ATP8A1: variants seen among roughly 807,000 people sequenced by gnomAD.
ATP8A1 encodes the protein ATPase phospholipid transporting 8A1, also known as phospholipid-transporting ATPase IA.
A neutral mutation model predicts 177.7 loss-of-function variants in ATP8A1; 90 were observed. That is an observed-to-expected ratio of 0.51 (90% CI 0.43 to 0.60). ATP8A1 has a LOEUF of 0.60. ATP8A1 is among the 20% of genes least tolerant of loss of function. The pLI, the probability that ATP8A1 is intolerant of heterozygous loss-of-function variation, is 0.00. For missense variants in ATP8A1, 1,072 were observed against 1,392.8 expected (o/e 0.77, Z 3.67); for synonymous variants, 493 against 485.9 (o/e 1.01, Z -0.19).
Position 42,485,685 on chromosome 4 carries a change from G to C in ATP8A1, c.2152-17C>G. 6.3e-7 allele frequency: 1 copy of C among 1,598,532 alleles called. No homozygotes were observed. The highest frequency in any genetic ancestry group is 8.5e-7 in the Non-Finnish European group (1 of 1,173,038). Reference sequence around the variant, plus strand: ...CCTTGTTCCCTGGAATATTAAACAAGCAAAAATGCCATCAACATTTACTCC... The same window carrying C: ...CCTTGTTCCCTGGAATATTAAACAACCAAAAATGCCATCAACATTTACTCC... On this transcript the variant is annotated splice_polypyrimidine_tract_variant and intron_variant, in intron 24 of 36. Coordinates refer to ENST00000381668, the MANE Select transcript of ATP8A1 (RefSeq NM_006095.2).
At chr4:42,555,877 AAG>A (rs1730179943) in intron 16 of ATP8A1, 89 bp downstream of exon 16, 1 of 824,354 alleles carries the variant, frequency 1.2e-6, no homozygotes, top group African/African-American at 1.8e-5. Flanking sequence ...AAAGTAAAAA[AAG>A]AGAAACATGT....
chr4:42,645,562 T>C (rs1415017179), intron 1 of ATP8A1, among the ~76,000 whole-genome samples: 1 of 152,166 alleles, frequency 6.6e-6, no homozygotes, highest in East Asian at 1.9e-4. Flanking sequence ...CTGGGATGGG[T>C]CTGGGAATCT....
intron 25 of ATP8A1, among the ~76,000 whole-genome samples, chr4:42,470,132 C>T (rs1279302063): frequency 3.3e-5 from 5 of 152,208 alleles, no homozygotes; most frequent in East Asian, 1.9e-4. Context: ...AAAAAGACTA[C>T]GTATCCAATG....
chr4:42,485,793 T>C, intron 24 of ATP8A1, 125 bp from the exon 25 acceptor site: 1 of 759,762 alleles, frequency 1.3e-6, no homozygotes, highest in Non-Finnish European at 2.1e-6. Flanking sequence ...CAAATTGCTT[T>C]CACATACTTT....
chr4:42,502,230 C>T (rs1157928719), intron 24 of ATP8A1, among the ~76,000 whole-genome samples: 1 of 152,076 alleles, frequency 6.6e-6, no homozygotes, highest in Non-Finnish European at 1.5e-5. Flanking sequence ...AGACTCCTAC[C>T]AATGTTTGCT....
intron 22 of ATP8A1, among the ~76,000 whole-genome samples, chr4:42,516,510 C>T (rs1006299677): frequency 5.3e-5 from 8 of 152,114 alleles, no homozygotes; most frequent in South Asian, 2.1e-4. Context: ...TTATAGCTTA[C>T]GCTGTTTTCT....
At chr4:42,533,184 C>T (rs1205140726) in intron 20 of ATP8A1, among the ~76,000 whole-genome samples, 1 of 150,736 alleles carries the variant, frequency 6.6e-6, no homozygotes, top group Non-Finnish European at 1.5e-5. Flanking sequence ...CTGCTGCAGG[C>T]TCCATGGGAC....
intron 33 of ATP8A1, among the ~76,000 whole-genome samples, chr4:42,439,910 C>T (rs1343333702): frequency 2.0e-5 from 3 of 152,174 alleles, no homozygotes; most frequent in African/African-American, 4.8e-5. Context: ...GATCAGACAT[C>T]GAAGTTGAAA....
intron 24 of ATP8A1, among the ~76,000 whole-genome samples, chr4:42,498,751 T>C (rs888409853): frequency 1.3e-5 from 2 of 152,238 alleles, no homozygotes; most frequent in South Asian, 4.1e-4. Flanking sequence ...ACAGGTATTG[T>C]TGTATTTAAT....
intron 16 of ATP8A1, among the ~76,000 whole-genome samples, chr4:42,555,736 A>G (rs1418918767): frequency 6.6e-6 from 1 of 152,098 alleles, no homozygotes; most frequent in Non-Finnish European, 1.5e-5. Flanking sequence ...GGCAGGAGAA[A>G]TGGCTTGATT....
intron 22 of ATP8A1, among the ~76,000 whole-genome samples, chr4:42,515,162 A>G (rs1012715111): frequency 3.3e-5 from 5 of 152,252 alleles, no homozygotes; most frequent in African/African-American, 4.8e-5. Flanking sequence ...AAATGCTCAG[A>G]AAGTGGCAGG....
chr4:42,440,290 G>A (rs1044749376), intron 33 of ATP8A1, among the ~76,000 whole-genome samples: 4 of 149,836 alleles, frequency 2.7e-5, no homozygotes, highest in African/African-American at 7.4e-5. Context: ...GTCCTACAGC[G>A]AAAATATAAA....
intron 25 of ATP8A1, among the ~76,000 whole-genome samples, chr4:42,468,452 C>G (rs1314748418): frequency 6.8e-6 from 1 of 146,172 alleles, no homozygotes; most frequent in East Asian, 2.0e-4. Flanking sequence ...CACACACACA[C>G]AGACACACAC....
At chr4:42,570,228 C>A (rs948455979) in intron 14 of ATP8A1, among the ~76,000 whole-genome samples, 1 of 152,212 alleles carries the variant, frequency 6.6e-6, no homozygotes, top group African/African-American at 2.4e-5. Context: ...TCACTCCAAT[C>A]ACAATGGAGG....
intron 30 of ATP8A1, among the ~76,000 whole-genome samples, chr4:42,448,827 CGTTTTTT>C (rs1311449381): frequency 1.1e-5 from 1 of 91,986 alleles, no homozygotes; most frequent in African/African-American, 4.0e-5. Context: ...TTGTACTTTG[CGTTTTTT>C]TTTTTTTTTT....
Position 42,580,118 on chromosome 4 carries a change from T to C in ATP8A1, c.835-140A>G, listed in dbSNP as rs901072173. On this transcript the variant is annotated intron_variant, in intron 10 of 36. Transcript: ENST00000381668. ...ATACGTGAAAATTATGTGAAACCCA[T>C]GACAAATGTAATAAGGTGCCAATGG... 8.9e-6 allele frequency: 6 copies of C among 673,614 alleles called. No homozygotes were observed. The African/African-American group carries it at 1.1e-4, about 13-fold the overall frequency. The allele number at this position is 673,614 out of a possible 1,614,324, so 41.7% of individuals were successfully genotyped here.
chr4:42,531,192 C>A (rs1727227368), intron 20 of ATP8A1, among the ~76,000 whole-genome samples: 1 of 151,870 alleles, frequency 6.6e-6, no homozygotes, highest in African/African-American at 2.4e-5. Flanking sequence ...TTAGTATTAC[C>A]ATGCCCTGTG....
intron 24 of ATP8A1, among the ~76,000 whole-genome samples, chr4:42,498,061 C>CT (rs1723462220): frequency 6.6e-6 from 1 of 152,188 alleles, no homozygotes; most frequent in Non-Finnish European, 1.5e-5. Flanking sequence ...AGCACCAATG[C>CT]TGGCAGTGGA....
At chr4:42,467,899 T>A (rs1401770166) in intron 25 of ATP8A1, among the ~76,000 whole-genome samples, 2 of 152,186 alleles carry the variant, frequency 1.3e-5, no homozygotes, top group Admixed American at 6.5e-5. Context: ...ACTCTGGATA[T>A]TTGTTCTTTG....
Sources: allele counts gnomAD v4.1 joint callset (sites outside exome capture counted in the v4.1 genomes callset), GRCh38; gene constraint gnomAD v4.1.1; transcripts MANE v1.5; gene names NCBI Gene and HGNC (gene_info 2026-07-23, HGNC 2026-07-21).